The following FAM149A variants were observed in gnomAD, a reference collection of about 807,000 sequenced individuals.
The protein encoded by FAM149A is family with sequence similarity 149 member A, also known as protein FAM149A.
FAM149A carries 71 observed loss-of-function variants against 78.2 expected under a neutral mutation model. That is an observed-to-expected ratio of 0.91 (90% CI 0.75 to 1.11). FAM149A has a LOEUF of 1.11. Among genes scored for constraint, FAM149A ranks in the 50% least tolerant of loss-of-function variants. The probability of loss-of-function intolerance (pLI) is 0.00; values close to 1 mark genes in which losing one functional copy is unlikely to be tolerated. For synonymous variants in FAM149A, 446 were observed against 410.5 expected (o/e 1.09, Z -1.04); for missense variants, 1,036 against 971.0 (o/e 1.07, Z -0.89).
chr4:186,163,498 C>A lies in FAM149A; in HGVS notation c.1754C>A (p.Ala585Asp). 6.2e-7 allele frequency: 1 copy of A among 1,614,120 alleles called. No homozygotes were observed. The highest frequency in any genetic ancestry group is 8.5e-7 in the Non-Finnish European group (1 of 1,179,986). Residue 585 changes from alanine (A) to aspartate (D), a missense_variant, in exon 10 of 14, where the codon GCC becomes GAC. Around this residue, in one of 3 missense-constraint regions of FAM149A, gnomAD observed 716 missense variants for 711.8 expected, o/e 1.01. Transcript: ENST00000389354. ...TCCGCACCGCACAGACTGGGACGGG[C>A]CTCAGACACTCATGGATTATCACCT... is the stretch of plus-strand genomic sequence containing the variant.
chr4:186,125,051 A>G (rs945067289), intron 1 of FAM149A, among the ~76,000 whole-genome samples: 3 of 152,144 alleles, frequency 2.0e-5, no homozygotes, highest in African/African-American at 7.2e-5. Context: ...TTTTGGCTGC[A>G]TAAATGTCTT....
At chr4:186,170,479 CAA>C (rs1362513876) in intron 13 of FAM149A, among the ~76,000 whole-genome samples, 1 of 152,234 alleles carries the variant, frequency 6.6e-6, no homozygotes, top group African/African-American at 2.4e-5. Flanking sequence ...AAAAACAAAA[CAA>C]GACTGTGCCT....
intron 8 of FAM149A, chr4:186,158,635 A>C (rs1338514423): frequency 2.0e-5 from 22 of 1,086,294 alleles, no homozygotes; most frequent in Admixed American, 1.9e-4. Context: ...CCCTGCACAC[A>C]CTGCCGCCCA....
Position 186,104,771 on chromosome 4 carries a change from CTG to C in FAM149A, c.-305_-304del, listed in dbSNP as rs1363560246. Among the ~76,000 whole-genome samples, 130 of 147,532 alleles carry C rather than the reference CTG, an allele frequency of 8.8e-4. No individual in the cohort carries two copies. Among genetic ancestry groups the C allele is most frequent in the African/African-American group, 3.2e-3 (126 of 39,482 alleles). ...GCGGCGGGCGGCGGGCGGCGGGCGT[CTG>C]GGGCGGGCGGCGGCCGCGCTTCCCG... On this transcript the variant is annotated 5_prime_UTR_variant, in exon 1 of 14. Coordinates refer to ENST00000389354, the MANE Select transcript of FAM149A (RefSeq NM_001367768.3).
At chr4:186,155,762 C>A (rs946917169) in intron 6 of FAM149A, among the ~76,000 whole-genome samples, 1 of 151,124 alleles carries the variant, frequency 6.6e-6, no homozygotes, top group East Asian at 1.9e-4. Flanking sequence ...AAGCTCAGAG[C>A]CGAAATAAAT....
At position 186,158,471 on chromosome 4, in the gene FAM149A, C is replaced by T. The variant is rs141253163; in HGVS notation, c.1575+752C>T. ...CCCCAGGAACACCCATGGGAGTCCACGCCTGACCTCTGCTTCTGCAGAGAC... is the reference window on the plus strand; with the variant it reads ...CCCCAGGAACACCCATGGGAGTCCATGCCTGACCTCTGCTTCTGCAGAGAC... On this transcript the variant is annotated intron_variant, in intron 8 of 13. Transcript: ENST00000389354. 5.2e-5 allele frequency: 58 copies of T among 1,112,104 alleles called. No individual in the cohort carries two copies. The Middle Eastern group carries it at 3.3e-3, about 64-fold the overall frequency. 68.9% of individuals were successfully genotyped at this position (1,112,104 alleles called of 1,614,324 possible).
At chr4:186,155,710 G>T (rs1339991388) in intron 6 of FAM149A, among the ~76,000 whole-genome samples, 1 of 150,838 alleles carries the variant, frequency 6.6e-6, no homozygotes, top group Non-Finnish European at 1.5e-5. Context: ...ATGAGAAAAA[G>T]AACAAACTAA....
intron 1 of FAM149A, among the ~76,000 whole-genome samples, chr4:186,108,809 C>T (rs529796414): frequency 2.0e-5 from 3 of 152,200 alleles, no homozygotes; most frequent in Admixed American, 2.0e-4. Flanking sequence ...CTGGTTTGAA[C>T]CACACAATAC....
chr4:186,167,404 C>T (rs1415843420), intron 13 of FAM149A, 142 bp downstream of exon 13: 12 of 780,614 alleles, frequency 1.5e-5, no homozygotes, highest in Non-Finnish European at 2.7e-5. Flanking sequence ...TGTGGCCTGA[C>T]CTCAGAAACC....
At chr4:186,112,203 T>C (rs2150080078) in intron 1 of FAM149A, among the ~76,000 whole-genome samples, 1 of 150,898 alleles carries the variant, frequency 6.6e-6, no homozygotes, top group East Asian at 2.0e-4. Flanking sequence ...TGTTTGTCTG[T>C]TATTGGTGTA....
At chr4:186,110,302 T>C in intron 1 of FAM149A, 1 of 985,450 alleles carries the variant, frequency 1.0e-6, no homozygotes, top group Non-Finnish European at 1.2e-6. Context: ...CTTGAGTTTT[T>C]CCAAAGTTAG....
chr4:186,123,722 G>A (rs972988781), intron 1 of FAM149A: 1 of 501,694 alleles, frequency 2.0e-6, no homozygotes, highest in Non-Finnish European at 2.6e-6. Flanking sequence ...TTCATCTCTG[G>A]TCTAGGATTC....
intron 1 of FAM149A, among the ~76,000 whole-genome samples, chr4:186,140,485 A>T (rs1233322465): frequency 1.9e-5 from 2 of 107,358 alleles, no homozygotes; most frequent in Admixed American, 1.4e-4. Flanking sequence ...ACGTCTCATT[A>T]TGTTGCCCAG....
intron 7 of FAM149A, 28 bp from the exon 8 acceptor site, chr4:186,157,537 T>G: frequency 6.2e-7 from 1 of 1,603,574 alleles, no homozygotes; most frequent in Non-Finnish European, 8.5e-7. Flanking sequence ...TGATGTTTCT[T>G]GTAATATTGA....
At position 186,156,158 on chromosome 4, in the gene FAM149A, T is replaced by C; in HGVS notation, c.1388T>C (p.Leu463Pro). The stretch of plus-strand genomic sequence containing the variant: ...AATATGGTAGAACTTTTGGAAGAGC[T>C]GATTAGAAAACACTGGGAAACTACA... Residue 463 changes from leucine to proline, a missense_variant, in exon 7 of 14, where the codon CTG becomes CCG. By Grantham distance (98) the Leu-to-Pro change is moderately conservative (BLOSUM62 -3). Around this residue, in one of 3 missense-constraint regions of FAM149A, gnomAD observed 716 missense variants for 711.8 expected, o/e 1.01. Coordinates refer to ENST00000389354, the MANE Select transcript of FAM149A (RefSeq NM_001367768.3). The C allele has an allele frequency of 6.2e-7, 1 of 1,613,250 alleles. No individual in the cohort carries two copies. The highest frequency in any genetic ancestry group is 8.5e-7 in the Non-Finnish European group (1 of 1,179,752).
At chr4:186,166,895 C>A in intron 11 of FAM149A, 73 bp from the exon 12 acceptor site, 1 of 1,457,904 alleles carries the variant, frequency 6.9e-7, no homozygotes, top group Non-Finnish European at 9.5e-7. Flanking sequence ...AACGATTGAG[C>A]ATGTCGAGAT....
intron 1 of FAM149A, among the ~76,000 whole-genome samples, chr4:186,136,971 TC>T (rs2099323272): frequency 2.8e-5 from 2 of 71,240 alleles, no homozygotes; most frequent in South Asian, 1.2e-3. Context: ...TCTTTCTCTC[TC>T]TCTTTCTCTC....
At position 186,157,662 on chromosome 4, in the gene FAM149A, G is replaced by C. The variant is rs141785079; in HGVS notation, c.1518G>C (p.Pro506=). Residue 506 remains proline (P), a synonymous_variant, in exon 8 of 14, where the codon CCG becomes CCC. Coordinates refer to ENST00000389354, the MANE Select transcript of FAM149A (RefSeq NM_001367768.3). ...ACGCCGATGGAGCCAGTGGCCCCCC[G>C]TCCGGACACGCCGAGGCTCACGGCA... is the stretch of plus-strand genomic sequence containing the variant. 2 of 1,614,042 alleles carry C rather than the reference G, an allele frequency of 1.2e-6. No individual in the cohort carries two copies. The highest frequency in any genetic ancestry group is 1.7e-6 in the Non-Finnish European group (2 of 1,179,974).
rs577263149 is a variant in FAM149A, at chr4:186,108,911, G to C, written c.566+3269G>C. Among the ~76,000 whole-genome samples, 17 of 149,996 alleles carry C rather than the reference G, an allele frequency of 1.1e-4. No homozygotes were observed. In the East Asian group the frequency reaches 2.7e-3, roughly 24 times the overall value. On this transcript the variant is annotated intron_variant, in intron 1 of 13. Transcript: ENST00000389354. ...CGCCCAGGCTGGAGTGCAGTGGCGC[G>C]ATCTCGGCTCACTGCAAGCTCCGCC...
Sources: gnomAD v4.1 joint callset for allele counts (sites outside exome capture counted in the v4.1 genomes callset) on GRCh38, gnomAD v4.1.1 for gene constraint, gnomAD v4.1.1 regional missense constraint, MANE v1.5 for transcripts, NCBI Gene and HGNC (gene_info 2026-07-23, HGNC 2026-07-21) for gene names.